PDZRN4: variants seen among roughly 807,000 people sequenced by gnomAD.
The protein encoded by PDZRN4 is PDZ domain-containing RING finger protein 4.
A neutral mutation model predicts 99.0 loss-of-function variants in PDZRN4; 70 were observed. The ratio of observed to expected loss-of-function variants is 0.71; its 90% CI spans 0.58 to 0.86. The LOEUF (loss-of-function observed/expected upper bound fraction) is 0.86. Ranked by LOEUF, PDZRN4 falls within the 40% of genes least tolerant of loss-of-function variation. PDZRN4 has a pLI of 0.00. For synonymous variants in PDZRN4, 551 were observed against 501.6 expected (o/e 1.10, Z -1.32); for missense variants, 1,474 against 1,331.2 (o/e 1.11, Z -1.67).
chr12:41,188,433 C>T lies in PDZRN4; in HGVS notation c.-23C>T. ...GAGAAGACGGACTCTGCTTTCGCTC[C>T]CCCTTTCTTCCCCATCCCTAACATG... On this transcript the variant is annotated 5_prime_UTR_variant, in exon 1 of 10. Transcript: ENST00000402685. 5 of 1,549,852 alleles carry T rather than the reference C, an allele frequency of 3.2e-6. No individual in the cohort carries two copies. In the Admixed American group the frequency reaches 7.3e-5, roughly 23 times the overall value.
chr12:41,461,416 T>C (rs1011705348), intron 3 of PDZRN4, among the ~76,000 whole-genome samples: 1 of 152,144 alleles, frequency 6.6e-6, no homozygotes, highest in Non-Finnish European at 1.5e-5. Context: ...TTTTCCTCTA[T>C]GTGTCCATGT....
intron 3 of PDZRN4, among the ~76,000 whole-genome samples, chr12:41,469,017 A>G (rs1203673158): frequency 6.6e-6 from 1 of 152,210 alleles, no homozygotes; most frequent in South Asian, 2.1e-4. Flanking sequence ...TCAAAAAAAA[A>G]AAAAAAATTG....
At chr12:41,553,044 A>G (rs1415824100) in intron 6 of PDZRN4, among the ~76,000 whole-genome samples, 1 of 152,254 alleles carries the variant, frequency 6.6e-6, no homozygotes, top group Non-Finnish European at 1.5e-5. Context: ...GAATGCAGCA[A>G]GTCCAGCAAA....
At chr12:41,401,442 T>C (rs1952287911) in intron 3 of PDZRN4, among the ~76,000 whole-genome samples, 1 of 152,218 alleles carries the variant, frequency 6.6e-6, no homozygotes, top group Non-Finnish European at 1.5e-5. Flanking sequence ...TAGTTTACTA[T>C]GAATGTGTAA....
chr12:41,357,627 C>A (rs1951936935), intron 3 of PDZRN4, among the ~76,000 whole-genome samples: 1 of 151,918 alleles, frequency 6.6e-6, no homozygotes, highest in South Asian at 2.1e-4. Flanking sequence ...CATTCATGGG[C>A]TTTAGCTTAA....
At chr12:41,540,016 T>C (rs1213245225) in intron 5 of PDZRN4, among the ~76,000 whole-genome samples, 1 of 152,132 alleles carries the variant, frequency 6.6e-6, no homozygotes, top group Non-Finnish European at 1.5e-5. Flanking sequence ...AAAAAATAAC[T>C]AGGAGAGCTG....
At chr12:41,546,541 C>G (rs1281426456) in intron 5 of PDZRN4, among the ~76,000 whole-genome samples, 3 of 152,184 alleles carry the variant, frequency 2.0e-5, no homozygotes, top group Non-Finnish European at 4.4e-5. Context: ...AAGAACATGT[C>G]AAACTATAAA....
At chr12:41,517,397 TTG>T (rs972337132) in intron 5 of PDZRN4, among the ~76,000 whole-genome samples, 1 of 152,118 alleles carries the variant, frequency 6.6e-6, no homozygotes, top group African/African-American at 2.4e-5. Context: ...CTGTGAAAGG[TTG>T]TGTTTAAGGT....
At chr12:41,498,556 AG>A (rs1257293252) in intron 3 of PDZRN4, among the ~76,000 whole-genome samples, 1 of 152,122 alleles carries the variant, frequency 6.6e-6, no homozygotes, top group Non-Finnish European at 1.5e-5. Context: ...TTGTTTTATC[AG>A]GAACCCACTC....
At chr12:41,214,586 A>T (rs1419025210) in intron 3 of PDZRN4, among the ~76,000 whole-genome samples, 1 of 151,860 alleles carries the variant, frequency 6.6e-6, no homozygotes, top group African/African-American at 2.4e-5. Flanking sequence ...AAAAAGAAAA[A>T]TGTGTGTAGG....
At chr12:41,545,738 T>C (rs2120780528) in intron 5 of PDZRN4, among the ~76,000 whole-genome samples, 1 of 152,220 alleles carries the variant, frequency 6.6e-6, no homozygotes, top group East Asian at 1.9e-4. Flanking sequence ...AGAGAGTCTT[T>C]CTACGTACAA....
chr12:41,460,086 T>C (rs1472479500), intron 3 of PDZRN4: 2 of 1,281,688 alleles, frequency 1.6e-6, no homozygotes, highest in East Asian at 1.1e-4. Context: ...TTTTCCCTAT[T>C]TATATATTTT....
intron 3 of PDZRN4, among the ~76,000 whole-genome samples, chr12:41,464,986 G>A (rs1335883674): frequency 6.6e-6 from 1 of 151,878 alleles, no homozygotes; most frequent in Non-Finnish European, 1.5e-5. Context: ...CACCACGCCT[G>A]GCTAATTTTT....
In PDZRN4 at chr12:41,189,096, A is replaced by G; in HGVS notation, c.641A>G (p.His214Arg). The G allele has an allele frequency of 6.3e-7, 1 of 1,580,358 alleles. No individual in the cohort carries two copies. Among genetic ancestry groups the G allele is most frequent in the South Asian group, 1.1e-5 (1 of 87,564 alleles). The change falls in exon 1 of 10, where the codon CAC becomes CGC. Residue 214 changes from histidine to arginine, a missense_variant. His to Arg is a conservative substitution (Grantham distance 29). Transcript: ENST00000402685. ...RNFVGDLGGG[H>R]RRDGEHKPFT... ...TTCGTCGGCGACCTCGGTGGCGGCC[A>G]CCGCAGGGTAAGCAAAGGGGGGTGG... is the stretch of plus-strand genomic sequence containing the variant.
rs191330381 is a variant in PDZRN4, at chr12:41,533,080, A to G, written c.1204-19576A>G. ...AATAGATTTGTCAAAGTCTACTTCT[A>G]ATTCTGTCATTTTTTTTTCTACAAT... On this transcript the variant is annotated intron_variant, in intron 5 of 9. Transcript: ENST00000402685. Among the ~76,000 whole-genome samples the G allele has an allele frequency of 1.3e-4, 20 of 152,174 alleles. 1 individual carries two copies. In the East Asian group the frequency reaches 1.7e-3, roughly 13 times the overall value.
intron 3 of PDZRN4, among the ~76,000 whole-genome samples, chr12:41,390,797 A>G (rs1952205378): frequency 6.6e-6 from 1 of 152,148 alleles, no homozygotes; most frequent in Non-Finnish European, 1.5e-5. Flanking sequence ...AAACCAAATA[A>G]CTAATGCAAA....
At chr12:41,362,856 T>C (rs950904792) in intron 3 of PDZRN4, among the ~76,000 whole-genome samples, 7 of 152,120 alleles carry the variant, frequency 4.6e-5, no homozygotes, top group Admixed American at 6.5e-5. Flanking sequence ...ATGACTTTTA[T>C]TAATCACAAA....
intron 3 of PDZRN4, among the ~76,000 whole-genome samples, chr12:41,391,159 T>C (rs979616955): frequency 6.6e-6 from 1 of 152,186 alleles, no homozygotes; most frequent in African/African-American, 2.4e-5. Context: ...GATAGAAACT[T>C]ATTTGGATAA....
intron 3 of PDZRN4, among the ~76,000 whole-genome samples, chr12:41,202,270 A>C (rs1800203899): frequency 6.6e-6 from 1 of 152,072 alleles, no homozygotes; most frequent in Non-Finnish European, 1.5e-5. Flanking sequence ...ATTCTGAAGA[A>C]GCTTAAGGCA....
Sources: gnomAD v4.1 joint callset for allele counts (sites outside exome capture counted in the v4.1 genomes callset) on GRCh38, gnomAD v4.1.1 for gene constraint, MANE v1.5 for transcripts, NCBI Gene and HGNC (gene_info 2026-07-23, HGNC 2026-07-21) for gene names.